The following CACNA2D4 variants were observed in gnomAD, a reference collection of about 807,000 sequenced individuals.
The protein encoded by CACNA2D4 is calcium voltage-gated channel auxiliary subunit alpha2delta 4.
Under a neutral mutation model 163.8 loss-of-function variants are expected in CACNA2D4, and 157 were observed. The observed-to-expected ratio is 0.96, with a 90% CI of 0.84 to 1.09. The LOEUF (loss-of-function observed/expected upper bound fraction) is 1.09. CACNA2D4 is among the 50% of genes least tolerant of loss of function. The pLI is 0.00. For missense variants in CACNA2D4, 1,410 were observed against 1,479.9 expected (o/e 0.95, Z 0.78); for synonymous variants, 598 against 586.9 (o/e 1.02, Z -0.27).
chr12:1,872,555 G>C (rs1247560577), intron 18 of CACNA2D4, among the ~76,000 whole-genome samples: 1 of 152,342 alleles, frequency 6.6e-6, no homozygotes, highest in East Asian at 1.9e-4. Context: ...TGAGCTGAGA[G>C]GGAGGGCTGG....
At chr12:1,824,739 A>C (rs947859045) in intron 26 of CACNA2D4, among the ~76,000 whole-genome samples, 1 of 152,138 alleles carries the variant, frequency 6.6e-6, no homozygotes, top group African/African-American at 2.4e-5. Context: ...CCTTTCCTTA[A>C]GGAGGCTCCA....
intron 13 of CACNA2D4, among the ~76,000 whole-genome samples, chr12:1,880,562 C>G (rs2154449509): frequency 6.6e-6 from 1 of 152,352 alleles, no homozygotes; most frequent in East Asian, 1.9e-4. Flanking sequence ...GTGTGCCCCA[C>G]TTTATAACAA....
chr12:1,871,936 C>T (rs993801301), intron 18 of CACNA2D4, among the ~76,000 whole-genome samples: 1 of 152,296 alleles, frequency 6.6e-6, no homozygotes, highest in Admixed American at 6.5e-5. Flanking sequence ...AGGTTAGACT[C>T]CAGGACACTT....
rs147540245 is a variant in CACNA2D4, at chr12:1,909,699, G to A, written c.486+207C>T. 3.2e-4 allele frequency among the ~76,000 whole-genome samples: 49 copies of A among 152,310 alleles called. 1 individual carries two copies. The East Asian group carries it at 6.2e-3, about 19-fold the overall frequency. On this transcript the variant is annotated intron_variant, in intron 4 of 37. Coordinates refer to ENST00000382722, the MANE Select transcript of CACNA2D4 (RefSeq NM_172364.5). ...AGTGACTTGTGATGTGCTTTATACCGGAGTTATTTGCACTGTGAGCTTCTT... is the reference window on the plus strand; with the variant it reads ...AGTGACTTGTGATGTGCTTTATACCAGAGTTATTTGCACTGTGAGCTTCTT...
chr12:1,798,020 C>G lies in CACNA2D4; in HGVS notation c.2996-485G>C, dbSNP rs1408177387. Reference sequence around the variant, plus strand: ...CCGCACAGCCAGGCCCACACTCCACCCATTGAGCCTGAGCGCCTGCGGTGG... The same window carrying G: ...CCGCACAGCCAGGCCCACACTCCACGCATTGAGCCTGAGCGCCTGCGGTGG... On this transcript the variant is annotated intron_variant, in intron 34 of 37. Coordinates refer to ENST00000382722, the MANE Select transcript of CACNA2D4 (RefSeq NM_172364.5). The surrounding 1 kb of genome is among the most constrained non-coding windows in gnomAD (Gnocchi z 4.3). Among the ~76,000 whole-genome samples the G allele has an allele frequency of 6.6e-6, 1 of 152,156 alleles. No individual in the cohort carries two copies. Among genetic ancestry groups the G allele is most frequent in the Non-Finnish European group, 1.5e-5 (1 of 68,014 alleles).
intron 26 of CACNA2D4, among the ~76,000 whole-genome samples, chr12:1,832,460 T>C (rs1864677191): frequency 6.6e-6 from 1 of 152,264 alleles, no homozygotes; most frequent in Non-Finnish European, 1.5e-5. Flanking sequence ...TAAGTGGACT[T>C]GAAACACCAT....
At chr12:1,854,156 A>G in intron 22 of CACNA2D4, 112 bp from the exon 23 acceptor site, 2 of 697,018 alleles carry the variant, frequency 2.9e-6, no homozygotes, top group Non-Finnish European at 4.5e-6. Flanking sequence ...TGTCTATGGG[A>G]CATGTAAAAC....
rs771911683 is a variant in CACNA2D4, at chr12:1,856,030, T to C, written c.2134A>G (p.Lys712Glu). The C allele has an allele frequency of 1.1e-5, 18 of 1,613,650 alleles. No individual in the cohort carries two copies. Among genetic ancestry groups the C allele is most frequent in the Non-Finnish European group, 1.4e-5 (16 of 1,179,722 alleles). The stretch of plus-strand genomic sequence containing the variant: ...CACTCACACTCCAGGTCTGGGTCCT[T>C]CCTGGTGAGGAAGCGGATCATGGCC... ...LEAMIRFLTR[K>E]DPDLECDEEL... Residue 712 changes from lysine (K) to glutamate (E), a missense_variant, in exon 22 of 38, where the codon AAG becomes GAG. Transcript: ENST00000382722.
intron 6 of CACNA2D4, among the ~76,000 whole-genome samples, chr12:1,889,251 A>G (rs1013618937): frequency 6.6e-6 from 1 of 152,240 alleles, no homozygotes; most frequent in Non-Finnish European, 1.5e-5. Flanking sequence ...GAAGAAGGGG[A>G]ATGATATGGG....
At chr12:1,841,261 G>A (rs745885808) in intron 25 of CACNA2D4, among the ~76,000 whole-genome samples, 1 of 152,200 alleles carries the variant, frequency 6.6e-6, no homozygotes, top group Non-Finnish European at 1.5e-5. Flanking sequence ...GTCCCAATCA[G>A]GAAGCCAGAT....
Position 1,800,446 on chromosome 12 carries a change from G to A in CACNA2D4, c.2869-8C>T, listed in dbSNP as rs1863274835. 3 of 1,613,706 alleles carry A rather than the reference G, an allele frequency of 1.9e-6. No individual in the cohort carries two copies. The highest frequency in any genetic ancestry group is 1.7e-5 in the Admixed American group (1 of 59,994). On this transcript the variant is annotated splice_polypyrimidine_tract_variant and splice_region_variant and intron_variant, in intron 31 of 37. Coordinates refer to ENST00000382722, the MANE Select transcript of CACNA2D4 (RefSeq NM_172364.5). Reference sequence around the variant, plus strand: ...CAAGAAGGCAGAAATTGGCTGGGAAGGAGAGAGTGCACACCGCTCGCACCT... The same window carrying A: ...CAAGAAGGCAGAAATTGGCTGGGAAAGAGAGAGTGCACACCGCTCGCACCT...
chr12:1,866,733 G>A (rs942352416), intron 18 of CACNA2D4, among the ~76,000 whole-genome samples: 8 of 151,308 alleles, frequency 5.3e-5, no homozygotes, highest in Admixed American at 2.6e-4. Context: ...TGATTCTCCC[G>A]CCTCAATCTC....
rs140426573 is a variant in CACNA2D4, at chr12:1,809,681, A to G, written c.2721+597T>C. ...ATGCTGGGTTCAGGGAGATACCCAC[A>G]GCCAGCGGGGGCGGGGGGAGGATTA... On this transcript the variant is annotated intron_variant, in intron 29 of 37. Transcript: ENST00000382722. 1,697 of 641,992 alleles carry G rather than the reference A, an allele frequency of 2.6e-3. 22 individuals carry two copies. The African/African-American group carries it at 0.028, about 10-fold the overall frequency. 39.8% of individuals were successfully genotyped at this position (641,992 alleles called of 1,614,324 possible).
chr12:1,801,372 C>T (rs758338031), intron 30 of CACNA2D4, among the ~76,000 whole-genome samples: 2 of 152,210 alleles, frequency 1.3e-5, no homozygotes, highest in Admixed American at 6.5e-5. Flanking sequence ...CTGCGGAGCC[C>T]CTCCCAGGGA....
rs763518523 is a variant in CACNA2D4, at chr12:1,797,428, G to A, written c.3103C>T (p.Pro1035Ser). Reference sequence around the variant, plus strand: ...GCCCTGCGGTCTTACTTCTGGCAGGGCCCGCACTCCACGATCCCGTTGGCC... The same window carrying A: ...GCCCTGCGGTCTTACTTCTGGCAGGACCCGCACTCCACGATCCCGTTGGCC... ...REANGIVECG[P>S]CQKVFVVQQI... The change falls in exon 35 of 38, where the codon CCC (proline) becomes TCC (serine). Residue 1035 changes from proline (P) to serine (S), a missense_variant. By Grantham distance (74) the Pro-to-Ser change is moderately conservative (BLOSUM62 -1). Transcript: ENST00000382722. 2 of 1,547,404 alleles carry A rather than the reference G, an allele frequency of 1.3e-6. No homozygotes were observed. The highest frequency in any genetic ancestry group is 1.7e-6 in the Non-Finnish European group (2 of 1,150,988).
At chr12:1,804,404 A>G (rs998217092) in intron 29 of CACNA2D4, among the ~76,000 whole-genome samples, 1 of 152,084 alleles carries the variant, frequency 6.6e-6, no homozygotes, top group East Asian at 1.9e-4. Context: ...CTCCTTCCTA[A>G]TTCTAGGCTT....
chr12:1,799,919 C>A lies in CACNA2D4; in HGVS notation c.2974+81G>T. The A allele has an allele frequency of 6.8e-7, 1 of 1,462,018 alleles. No individual in the cohort carries two copies. The highest frequency in any genetic ancestry group is 9.4e-7 in the Non-Finnish European group (1 of 1,067,388). The allele number at this position is 1,462,018 out of a possible 1,614,324, so 90.6% of individuals were successfully genotyped here. On this transcript the variant is annotated intron_variant, in intron 33 of 37. Transcript: ENST00000382722. This position sits in a 1 kb window ranked among gnomAD's most constrained non-coding sequence, Gnocchi z 4.7. ...GGTCACCTATCCCCACTGTCACCCACCCCACAGGGAATGGTCTCACGTTAG... is the reference window on the plus strand; with the variant it reads ...GGTCACCTATCCCCACTGTCACCCAACCCACAGGGAATGGTCTCACGTTAG...
chr12:1,910,015 T>C, intron 3 of CACNA2D4, 50 bp from the exon 4 acceptor site: 3 of 1,520,880 alleles, frequency 2.0e-6, no homozygotes, highest in Non-Finnish European at 2.7e-6. Flanking sequence ...AGGAGCCCAG[T>C]GGGTTTTCAG....
At chr12:1,830,109 C>T (rs893596428) in intron 26 of CACNA2D4, among the ~76,000 whole-genome samples, 4 of 152,258 alleles carry the variant, frequency 2.6e-5, no homozygotes, top group Admixed American at 2.6e-4. Context: ...TGCAGGAATG[C>T]TGCCCTGTAG....
Sources: allele counts gnomAD v4.1 joint callset (sites outside exome capture counted in the v4.1 genomes callset), GRCh38; gene constraint gnomAD v4.1.1; non-coding constraint Gnocchi (gnomAD v3.1); transcripts MANE v1.5; gene names NCBI Gene and HGNC (gene_info 2026-07-23, HGNC 2026-07-21).